DLL4: variants seen among roughly 807,000 people sequenced by gnomAD.
DLL4 encodes delta-like protein 4.
Under a neutral mutation model 73.6 loss-of-function variants are expected in DLL4, and 7 were observed. The ratio of observed to expected loss-of-function variants is 0.10; its 90% CI spans 0.05 to 0.18. The LOEUF (loss-of-function observed/expected upper bound fraction) is 0.18, where lower values mean the gene tolerates loss of function less well. DLL4 is among the 10% of genes least tolerant of loss of function. DLL4 has a pLI of 1.00. For missense variants in DLL4, 614 were observed against 929.9 expected (o/e 0.66, Z 4.42); for synonymous variants, 345 against 374.3 (o/e 0.92, Z 0.90).
Position 40,933,268 on chromosome 15 carries a change from TTG to T in DLL4, c.850+851_850+852del, listed in dbSNP as rs113508793. Among the ~76,000 whole-genome samples the T allele has an allele frequency of 7.0e-3, 1,034 of 147,160 alleles. 8 individuals carry two copies. The highest frequency in any genetic ancestry group is 0.015 in the African/African-American group (610 of 40,008). On this transcript the variant is annotated intron_variant, in intron 6 of 10. Coordinates refer to ENST00000249749, the MANE Select transcript of DLL4 (RefSeq NM_019074.4). The stretch of plus-strand genomic sequence containing the variant: ...AGGGGCTTGGGATTCAGTCCCTGTG[TTG>T]TGTGTGTGTGTGTGTGTGTGTGTGT...
In DLL4 at chr15:40,929,471, T is replaced by C. The variant is rs769331891; in HGVS notation, c.-198T>C. 87 of 561,200 alleles carry C rather than the reference T, an allele frequency of 1.6e-4. No individual in the cohort carries two copies. The highest frequency in any genetic ancestry group is 2.1e-4 in the Non-Finnish European group (70 of 328,586). 34.8% of individuals were successfully genotyped at this position (561,200 alleles called of 1,614,324 possible). On this transcript the variant is annotated 5_prime_UTR_variant, in exon 1 of 11. Coordinates refer to ENST00000249749, the MANE Select transcript of DLL4 (RefSeq NM_019074.4). This position sits in a 1 kb window ranked among gnomAD's most constrained non-coding sequence, Gnocchi z 7.1. ...GACAGAAGACGCGTCCTCGGCGCGG[T>C]CGCCGCCCAGCCGTAGTCACCTGGA...
intron 10 of DLL4, 41 bp downstream of exon 10, chr15:40,937,567 G>A (rs1892863365): frequency 1.4e-6 from 2 of 1,430,970 alleles, no homozygotes; most frequent in Non-Finnish European, 2.0e-6. Flanking sequence ...TTTTGTGGGA[G>A]GGAAAGTGGC....
intron 6 of DLL4, among the ~76,000 whole-genome samples, chr15:40,934,304 C>T (rs192230518): frequency 1.7e-4 from 23 of 133,432 alleles, no homozygotes; most frequent in Non-Finnish European, 1.8e-4. Flanking sequence ...CCAGCCTGGG[C>T]GACAGAGTGA....
In DLL4 at chr15:40,936,222, T is replaced by G; in HGVS notation, c.1241-6T>G. Reference sequence around the variant, plus strand: ...TCACTGACTTGTGTCTCATGCGTCCTCACAGGGGGACAGTGCCTGAACCGA... The same window carrying G: ...TCACTGACTTGTGTCTCATGCGTCCGCACAGGGGGACAGTGCCTGAACCGA... On this transcript the variant is annotated splice_region_variant and splice_polypyrimidine_tract_variant and intron_variant, in intron 8 of 10. Coordinates refer to ENST00000249749, the MANE Select transcript of DLL4 (RefSeq NM_019074.4). The G allele has an allele frequency of 6.4e-7, 1 of 1,571,078 alleles. No individual in the cohort carries two copies.
intron 6 of DLL4, among the ~76,000 whole-genome samples, chr15:40,933,701 A>G (rs1458613052): frequency 2.6e-5 from 4 of 151,542 alleles, no homozygotes; most frequent in Non-Finnish European, 5.9e-5. Context: ...CCTTATCTTC[A>G]TCCTACTTGG....
At position 40,931,610 on chromosome 15, in the gene DLL4, C is replaced by T. The variant is rs779876801; in HGVS notation, c.502C>T (p.Arg168Cys). 9 of 1,613,110 alleles carry T rather than the reference C, an allele frequency of 5.6e-6. No homozygotes were observed. The highest frequency in any genetic ancestry group is 5.9e-6 in the Non-Finnish European group (7 of 1,179,528). The stretch of plus-strand genomic sequence containing the variant: ...GCAAACCAGCACCCTCACAAGGCTG[C>T]GCTACTCTTACCGGGTCATCTGCAG... ...DEQTSTLTRL[R>C]YSYRVICSDN... The change falls in exon 4 of 11, where the codon CGC becomes TGC. Residue 168 changes from arginine (R) to cysteine (C), a missense_variant. Physicochemically the swap from Arg to Cys is radical, Grantham distance 180. This residue lies in a region of DLL4 where 227 missense variants were observed against 370.8 expected (regional missense o/e 0.61). Transcript: ENST00000249749.
At position 40,936,686 on chromosome 15, in the gene DLL4, G is replaced by A. The variant is rs1365506060; in HGVS notation, c.1699G>A (p.Ala567Thr). ...ACGGCCGGACGACGGCAGCAGGGAA[G>A]CCATGAACAACTTGTCGGACTTCCA... ...LRRPDDGSRE[A>T]MNNLSDFQKD... The change falls in exon 9 of 11, where the codon GCC becomes ACC. Residue 567 changes from alanine (A) to threonine (T), a missense_variant. Coordinates refer to ENST00000249749, the MANE Select transcript of DLL4 (RefSeq NM_019074.4). 6.2e-7 allele frequency: 1 copy of A among 1,613,540 alleles called. No homozygotes were observed. The highest frequency in any genetic ancestry group is 1.1e-5 in the South Asian group (1 of 91,086).
At position 40,934,983 on chromosome 15, in the gene DLL4, C is replaced by A. The variant is rs768913075; in HGVS notation, c.1106C>A (p.Ser369Tyr). 1.5e-5 allele frequency: 25 copies of A among 1,613,552 alleles called. No homozygotes were observed. The East Asian group carries it at 2.0e-4, about 13-fold the overall frequency. Residue 369 changes from serine to tyrosine, a missense_variant, in exon 8 of 11, where the codon TCC (serine) becomes TAC (tyrosine). Around this residue, in one of 3 missense-constraint regions of DLL4, gnomAD observed 386 missense variants for 541.3 expected, o/e 0.71. Transcript: ENST00000249749. Reference sequence around the variant, plus strand: ...CACAGCACCTTGAGCTGCGCCGACTCCCCCTGCTTCAATGGGGGCTCCTGC... The same window carrying A: ...CACAGCACCTTGAGCTGCGCCGACTACCCCTGCTTCAATGGGGGCTCCTGC... ...CEHSTLSCAD[S>Y]PCFNGGSCRE...
chr15:40,932,627 G>A (rs559502626), intron 6 of DLL4, among the ~76,000 whole-genome samples, 180 bp downstream of exon 6: 1 of 152,276 alleles, frequency 6.6e-6, no homozygotes, highest in African/African-American at 2.4e-5. Flanking sequence ...GAGGCGGTGG[G>A]TCCTTCTCCA....
At chr15:40,937,552 C>T (rs1184711544) in intron 10 of DLL4, 26 bp downstream of exon 10, 1 of 1,531,322 alleles carries the variant, frequency 6.5e-7, no homozygotes, top group Non-Finnish European at 9.1e-7. Context: ...GCCTTTCCTT[C>T]TGCCTTTTGT....
intron 6 of DLL4, among the ~76,000 whole-genome samples, chr15:40,933,678 CT>C (rs1892802380): frequency 6.6e-6 from 1 of 152,078 alleles, no homozygotes; most frequent in East Asian, 1.9e-4. Flanking sequence ...TGGCCTTGCC[CT>C]CTGCTCTTCT....
chr15:40,934,406 G>A (rs1240326568), intron 6 of DLL4, 142 bp from the exon 7 acceptor site: 1 of 645,430 alleles, frequency 1.5e-6, no homozygotes, highest in East Asian at 3.0e-5. Flanking sequence ...TTTATTGGTG[G>A]TGGAGGAAGG....
In DLL4 at chr15:40,932,311, C is replaced by T; in HGVS notation, c.720-6C>T. Reference sequence around the variant, plus strand: ...CACCTCACTCTGCCTCTCTCTTGTTCCCCAGCTGCCGCCCAGGCTGGCAGG... The same window carrying T: ...CACCTCACTCTGCCTCTCTCTTGTTTCCCAGCTGCCGCCCAGGCTGGCAGG... On this transcript the variant is annotated splice_region_variant and splice_polypyrimidine_tract_variant and intron_variant, in intron 5 of 10. Transcript: ENST00000249749. 6.2e-7 allele frequency: 1 copy of T among 1,614,016 alleles called. No homozygotes were observed. Among genetic ancestry groups the T allele is most frequent in the Non-Finnish European group, 8.5e-7 (1 of 1,179,892 alleles).
chr15:40,937,332 C>A lies in DLL4; in HGVS notation c.1944-86C>A, dbSNP rs78015452. 7,158 of 925,362 alleles carry A rather than the reference C, an allele frequency of 7.7e-3. 33 individuals carry two copies. Among genetic ancestry groups the A allele is most frequent in the Non-Finnish European group, 0.01 (5,778 of 559,132 alleles). 57.3% of individuals were successfully genotyped at this position (925,362 alleles called of 1,614,324 possible). A position where few individuals can be genotyped will look rare whatever the true frequency, so the allele number is the denominator to read the frequency against. ...TGTGTCTTCCCCAAGAACCACCCTG[C>A]AGATGCCCTTTGGCTCTCCAGGGTC... On this transcript the variant is annotated intron_variant, in intron 9 of 10. Coordinates refer to ENST00000249749, the MANE Select transcript of DLL4 (RefSeq NM_019074.4).
In DLL4 at chr15:40,931,507, C is replaced by T. The variant is rs778610264; in HGVS notation, c.399C>T (p.Ala133=). The T allele has an allele frequency of 6.2e-7, 1 of 1,607,846 alleles. No individual in the cohort carries two copies. The highest frequency in any genetic ancestry group is 8.5e-7 in the Non-Finnish European group (1 of 1,177,540). ...HAPGDDLRPE[A]LPPDALISKI... ...CCCGACCCTCTGCCCCCTCAGAGGC[C>T]TTGCCACCAGATGCACTCATCAGCA... The change falls in exon 4 of 11, where the codon GCC becomes GCT. Residue 133 remains alanine, a synonymous_variant. Coordinates refer to ENST00000249749, the MANE Select transcript of DLL4 (RefSeq NM_019074.4).
Position 40,936,719 on chromosome 15 carries a change from A to C in DLL4, c.1732A>C (p.Asn578His). ...CAACTTGTCGGACTTCCAGAAGGAC[A>C]ACCTGATTCCTGCCGCCCAGCTTAA... is the stretch of plus-strand genomic sequence containing the variant. ...MNNLSDFQKDNLIPAAQLKNT... is the reference protein window; with the variant it reads ...MNNLSDFQKDHLIPAAQLKNT... Residue 578 changes from asparagine (N) to histidine (H), a missense_variant, in exon 9 of 11, where the codon AAC becomes CAC. Transcript: ENST00000249749. 6.2e-7 allele frequency: 1 copy of C among 1,613,820 alleles called. No individual in the cohort carries two copies. The highest frequency in any genetic ancestry group is 1.1e-5 in the South Asian group (1 of 91,084).
At chr15:40,933,751 G>C (rs1892803456) in intron 6 of DLL4, among the ~76,000 whole-genome samples, 1 of 152,124 alleles carries the variant, frequency 6.6e-6, no homozygotes, top group African/African-American at 2.4e-5. Flanking sequence ...ACGTCTTCCA[G>C]TTCCAGTTGT....
Position 40,930,289 on chromosome 15 carries a change from G to A in DLL4, c.336+173G>A. The A allele has an allele frequency of 1.2e-6, 1 of 841,984 alleles. No homozygotes were observed. Among genetic ancestry groups the A allele is most frequent in the East Asian group, 2.7e-5 (1 of 37,348 alleles). The allele number at this position is 841,984 out of a possible 1,614,324, so 52.2% of individuals were successfully genotyped here. A position where few individuals can be genotyped will look rare whatever the true frequency, so the allele number is the denominator to read the frequency against. On this transcript the variant is annotated intron_variant, in intron 2 of 10. Coordinates refer to ENST00000249749, the MANE Select transcript of DLL4 (RefSeq NM_019074.4). The surrounding 1 kb of genome is among the most constrained non-coding windows in gnomAD (Gnocchi z 5.7). The stretch of plus-strand genomic sequence containing the variant: ...TCTCCTGAGACTGATCCCAGAAAAG[G>A]CTCTCACCAGTCTCCGTCTTCCCAG...
In DLL4 at chr15:40,930,814, C is replaced by T; in HGVS notation, c.394+132C>T. 1 of 879,808 alleles carries T rather than the reference C, an allele frequency of 1.1e-6. No homozygotes were observed. The highest frequency in any genetic ancestry group is 1.8e-6 in the Non-Finnish European group (1 of 565,172). 54.5% of individuals were successfully genotyped at this position (879,808 alleles called of 1,614,324 possible). ...GCTTAGCTTGGCCTGGAGCTGCGCC[C>T]CGCGCTGGACGCTCGGATTCCGCTC... On this transcript the variant is annotated intron_variant, in intron 3 of 10. Coordinates refer to ENST00000249749, the MANE Select transcript of DLL4 (RefSeq NM_019074.4). The surrounding 1 kb of genome is among the most constrained non-coding windows in gnomAD (Gnocchi z 5.7).
Sources: allele counts gnomAD v4.1 joint callset (sites outside exome capture counted in the v4.1 genomes callset), GRCh38; gene constraint gnomAD v4.1.1; regional missense constraint gnomAD v4.1.1; non-coding constraint Gnocchi (gnomAD v3.1); transcripts MANE v1.5; gene names NCBI Gene and HGNC (gene_info 2026-07-23, HGNC 2026-07-21).